Variants in SSPN observed in about 807,000 individuals in gnomAD.
SSPN encodes sarcospan.
SSPN carries 15 observed loss-of-function variants against 19.1 expected under a neutral mutation model. That is an observed-to-expected ratio of 0.78 (90% confidence interval 0.52 to 1.21). The LOEUF (loss-of-function observed/expected upper bound fraction) is 1.21, where lower values mean the gene tolerates loss of function less well. Ranked by LOEUF, SSPN falls within the 50% of genes most tolerant of loss-of-function variation. The probability of loss-of-function intolerance (pLI) is 0.00; values close to 1 mark genes in which losing one functional copy is unlikely to be tolerated. For missense variants in SSPN, 291 were observed against 314.0 expected, an observed-to-expected ratio of 0.93 and a Z score of 0.55; for synonymous variants, 147 against 140.3, an observed-to-expected ratio of 1.05 and a Z score of -0.34.
At position 26,205,857 on chromosome 12, in the gene SSPN, G is replaced by C. The variant is rs369797986; in HGVS notation, c.279+9906G>C. 1.1e-4 allele frequency among the ~76,000 whole-genome samples: 16 copies of C among 152,278 alleles called. No individual in the cohort carries two copies. The East Asian group carries it at 2.1e-3, about 20-fold the overall frequency. On this transcript the variant is annotated intron_variant, in intron 1 of 2. Coordinates refer to ENST00000242729, the MANE Select transcript of SSPN (RefSeq NM_005086.5). Reference sequence around the variant, plus strand: ...TTTATGTACTTCTCCCAGGCTCTTTGGTAGTCAGGTTCTGAAACAGAAGGA... The same window carrying C: ...TTTATGTACTTCTCCCAGGCTCTTTCGTAGTCAGGTTCTGAAACAGAAGGA...
chr12:26,131,545 A>G (rs556068312), intron 1 of SSPN, among the ~76,000 whole-genome samples: 32 of 152,298 alleles, frequency 2.1e-4, no homozygotes, highest in African/African-American at 7.0e-4. Flanking sequence ...AGCCACACTT[A>G]TGTAGCATAC....
intron 1 of SSPN, among the ~76,000 whole-genome samples, chr12:26,201,265 C>T (rs1023221501): frequency 6.6e-6 from 1 of 150,854 alleles, no homozygotes; most frequent in African/African-American, 2.4e-5. Flanking sequence ...GTAGTCCCAG[C>T]TACTCGGGAG....
intron 2 of SSPN, among the ~76,000 whole-genome samples, chr12:26,224,710 C>CG (rs1945159598): frequency 6.6e-6 from 1 of 151,682 alleles, no homozygotes; most frequent in Non-Finnish European, 1.5e-5. Flanking sequence ...TTCCATATCT[C>CG]GGGGGTTATT....
intron 1 of SSPN, among the ~76,000 whole-genome samples, chr12:26,141,637 CTTTATT>C (rs1944461092): frequency 6.6e-6 from 1 of 152,132 alleles, no homozygotes; most frequent in South Asian, 2.1e-4. Flanking sequence ...TTACTCTGTG[CTTTATT>C]TTCTGAATAG....
chr12:26,174,330 C>T (rs567324964), intron 1 of SSPN, among the ~76,000 whole-genome samples: 1 of 152,284 alleles, frequency 6.6e-6, no homozygotes, highest in East Asian at 1.9e-4. Flanking sequence ...CTATTTTTCT[C>T]ATTATCAGCT....
intron 1 of SSPN, among the ~76,000 whole-genome samples, chr12:26,136,043 T>TA (rs1944423275): frequency 6.6e-6 from 1 of 152,256 alleles, no homozygotes; most frequent in African/African-American, 2.4e-5. Flanking sequence ...AGGATATAAA[T>TA]ATTTGAAAAT....
intron 1 of SSPN, chr12:26,122,691 G>A (rs762782954): frequency 3.2e-6 from 5 of 1,562,034 alleles, no homozygotes; most frequent in Admixed American, 3.7e-5. Flanking sequence ...CTTGGGCGCC[G>A]GCGAGTCCTC....
At chr12:26,168,830 G>A (rs1944636640) in intron 1 of SSPN, among the ~76,000 whole-genome samples, 1 of 152,154 alleles carries the variant, frequency 6.6e-6, no homozygotes, top group African/African-American at 2.4e-5. Flanking sequence ...TTCCCTGGGG[G>A]CAGAGTCTGT....
chr12:26,123,974 G>T, intron 1 of SSPN: 2 of 941,500 alleles, frequency 2.1e-6, no homozygotes. Flanking sequence ...TTTAAGTCAG[G>T]AACTTATATT....
At chr12:26,164,786 A>C (rs1427655317) in intron 1 of SSPN, among the ~76,000 whole-genome samples, 1 of 152,158 alleles carries the variant, frequency 6.6e-6, no homozygotes. Context: ...GGTCAAAGCT[A>C]TTTTGAATTT....
intron 2 of SSPN, among the ~76,000 whole-genome samples, chr12:26,230,252 C>T (rs1208366462): frequency 1.3e-5 from 2 of 152,190 alleles, no homozygotes; most frequent in African/African-American, 4.8e-5. Context: ...TATTAGTTGA[C>T]CCATCATTGC....
chr12:26,201,041 ATATATTAT>A (rs1204759200), intron 1 of SSPN, among the ~76,000 whole-genome samples: 7 of 56,290 alleles, frequency 1.2e-4, no homozygotes, highest in African/African-American at 5.2e-4. Context: ...ATATATATAT[ATATATTAT>A]ATATATATAT....
intron 1 of SSPN, among the ~76,000 whole-genome samples, chr12:26,216,095 G>A (rs1945045766): frequency 6.6e-6 from 1 of 152,230 alleles, no homozygotes; most frequent in East Asian, 1.9e-4. Flanking sequence ...TTCATAAATG[G>A]TATATTAGTA....
chr12:26,179,113 C>T (rs1384928563), intron 1 of SSPN, among the ~76,000 whole-genome samples: 2 of 152,114 alleles, frequency 1.3e-5, no homozygotes. Flanking sequence ...ATGGGTCAAT[C>T]AAGGTAGGCT....
chr12:26,129,298 C>T (rs73082909), intron 1 of SSPN, among the ~76,000 whole-genome samples: 3 of 152,078 alleles, frequency 2.0e-5, no homozygotes, highest in South Asian at 2.1e-4. Flanking sequence ...AAGCAGAGTC[C>T]AAAACAATCT....
In SSPN at chr12:26,232,127, T is replaced by C; in HGVS notation, c.*1051T>C. On this transcript the variant is annotated 3_prime_UTR_variant, in exon 3 of 3. Transcript: ENST00000242729. ...TGTGATATGTTGAAAAGCATCTCTC[T>C]TGGCAACCAATCTATGTTTGAGGAA... The C allele has an allele frequency of 2.0e-6, 2 of 985,496 alleles. No homozygotes were observed. Among genetic ancestry groups the C allele is most frequent in the Non-Finnish European group, 2.4e-6 (2 of 829,940 alleles). The allele number at this position is 985,496 out of a possible 1,614,324, so 61.0% of individuals were successfully genotyped here.
intron 1 of SSPN, among the ~76,000 whole-genome samples, chr12:26,139,199 G>A (rs1292563248): frequency 3.3e-5 from 5 of 152,148 alleles, no homozygotes; most frequent in Admixed American, 3.3e-4. Flanking sequence ...GATTTTCACT[G>A]AGTGCTTTTA....
chr12:26,217,734 T>C lies in SSPN; in HGVS notation c.280-6559T>C, dbSNP rs867401268. On this transcript the variant is annotated intron_variant, in intron 1 of 2. Transcript: ENST00000242729. ...GGTTTGTCATAGATAGCTCTTATTA[T>C]TTTGAAATGCGTCCCATCAATACCT... Among the ~76,000 whole-genome samples, 526 of 145,152 alleles carry C rather than the reference T, an allele frequency of 3.6e-3. 1 individual carries two copies. The highest frequency in any genetic ancestry group is 0.012 in the African/African-American group (478 of 38,766).
chr12:26,176,491 G>T (rs905958359), intron 1 of SSPN, among the ~76,000 whole-genome samples: 1 of 152,216 alleles, frequency 6.6e-6, no homozygotes, highest in African/African-American at 2.4e-5. Flanking sequence ...CAAACACTGT[G>T]TGTTAAAGCC....
Sources: gnomAD v4.1 joint callset for allele counts (sites outside exome capture counted in the v4.1 genomes callset) on GRCh38, gnomAD v4.1.1 for gene constraint, MANE v1.5 for transcripts, NCBI Gene and HGNC (gene_info 2026-07-23, HGNC 2026-07-21) for gene names.